The following CDH10 variants were observed in gnomAD, a reference collection of about 807,000 sequenced individuals.
CDH10 encodes cadherin 10, also known as cadherin-10.
Under a neutral mutation model 73.1 loss-of-function variants are expected in CDH10, and 30 were observed. The ratio of observed to expected loss-of-function variants is 0.41; its 90% confidence interval spans 0.31 to 0.56. The LOEUF (loss-of-function observed/expected upper bound fraction) is 0.56, where lower values mean the gene tolerates loss of function less well. CDH10 is among the 20% of genes least tolerant of loss of function. The probability of loss-of-function intolerance (pLI) is 0.27; values close to 1 mark genes in which losing one functional copy is unlikely to be tolerated. For missense variants in CDH10, 815 were observed against 973.7 expected, an observed-to-expected ratio of 0.84 and a Z score of 2.17; for synonymous variants, 345 against 348.2, an observed-to-expected ratio of 0.99 and a Z score of 0.10.
chr5:24,573,015 C>A (rs1326562019), intron 2 of CDH10, among the ~76,000 whole-genome samples: 1 of 146,204 alleles, frequency 6.8e-6, no homozygotes, highest in Non-Finnish European at 1.5e-5. Context: ...ATAAAGATCA[C>A]CAGAAAATAA....
intron 1 of CDH10, among the ~76,000 whole-genome samples, chr5:24,594,405 C>T (rs1746303390): frequency 6.6e-6 from 1 of 151,552 alleles, no homozygotes; most frequent in Non-Finnish European, 1.5e-5. Context: ...CCTTAGAAAT[C>T]CATTAAAATT....
At chr5:24,561,146 T>C (rs1273217391) in intron 2 of CDH10, among the ~76,000 whole-genome samples, 1 of 152,112 alleles carries the variant, frequency 6.6e-6, no homozygotes, top group Non-Finnish European at 1.5e-5. Context: ...TTATTTTATG[T>C]TTAGAAGTAC....
intron 6 of CDH10, 116 bp from the exon 7 acceptor site, chr5:24,509,935 T>G: frequency 1.5e-6 from 1 of 673,870 alleles, no homozygotes; most frequent in East Asian, 2.8e-5. Flanking sequence ...GTTCATTAAT[T>G]ATAAATAAAA....
chr5:24,582,353 C>G (rs547034809), intron 2 of CDH10, among the ~76,000 whole-genome samples: 5 of 152,246 alleles, frequency 3.3e-5, no homozygotes, highest in Admixed American at 1.3e-4. Flanking sequence ...TATGATTATG[C>G]TTAAATTTCA....
intron 2 of CDH10, among the ~76,000 whole-genome samples, chr5:24,560,116 CA>C (rs1744902890): frequency 6.6e-6 from 1 of 152,062 alleles, no homozygotes; most frequent in Non-Finnish European, 1.5e-5. Flanking sequence ...CCCAGATGCT[CA>C]ACTTAAAGTG....
chr5:24,510,956 T>C (rs1025605552), intron 6 of CDH10, among the ~76,000 whole-genome samples: 1 of 152,240 alleles, frequency 6.6e-6, no homozygotes, highest in African/African-American at 2.4e-5. Context: ...ATAGATGGCA[T>C]TGGACTTTTT....
chr5:24,580,409 A>G (rs1158524662), intron 2 of CDH10, among the ~76,000 whole-genome samples: 1 of 152,178 alleles, frequency 6.6e-6, no homozygotes, highest in African/African-American at 2.4e-5. Context: ...CTCTTAAATA[A>G]TTTGTGTGAG....
chr5:24,515,477 C>T (rs1743073968), intron 5 of CDH10, among the ~76,000 whole-genome samples: 1 of 152,266 alleles, frequency 6.6e-6, no homozygotes, highest in African/African-American at 2.4e-5. Flanking sequence ...GGCTGTACCA[C>T]ATGGAAATGT....
At chr5:24,639,431 G>A (rs16893683) in intron 1 of CDH10, among the ~76,000 whole-genome samples, 7,019 of 151,674 alleles carry the variant, frequency 0.046, 225 homozygotes, top group South Asian at 0.15. Context: ...TTCAGATAAT[G>A]ATATTGAATT....
At chr5:24,620,987 C>T (rs1747298017) in intron 1 of CDH10, among the ~76,000 whole-genome samples, 1 of 152,164 alleles carries the variant, frequency 6.6e-6, no homozygotes, top group East Asian at 1.9e-4. Context: ...ACACTTGGAC[C>T]TATCAGCATT....
chr5:24,579,237 A>T (rs764620454), intron 2 of CDH10, among the ~76,000 whole-genome samples: 35 of 152,020 alleles, frequency 2.3e-4, no homozygotes, highest in Admixed American at 9.2e-4. Context: ...AAAATGGTAA[A>T]CATTTTCTCT....
At chr5:24,587,614 A>C (rs188818381) in intron 2 of CDH10, among the ~76,000 whole-genome samples, 2 of 152,254 alleles carry the variant, frequency 1.3e-5, no homozygotes, top group East Asian at 3.9e-4. Flanking sequence ...TCATTTACCA[A>C]GATTTCTCTT....
chr5:24,606,273 T>C (rs2112131593), intron 1 of CDH10, among the ~76,000 whole-genome samples: 1 of 152,182 alleles, frequency 6.6e-6, no homozygotes, highest in Middle Eastern at 3.4e-3. Flanking sequence ...ATCAGGGAAA[T>C]ACAAATCAAA....
chr5:24,567,952 A>G (rs939208192), intron 2 of CDH10, among the ~76,000 whole-genome samples: 1 of 152,038 alleles, frequency 6.6e-6, no homozygotes, highest in African/African-American at 2.4e-5. Context: ...TGATGTCTCA[A>G]ATTTAGTCTC....
chr5:24,608,756 T>C (rs904194627), intron 1 of CDH10, among the ~76,000 whole-genome samples: 5 of 152,242 alleles, frequency 3.3e-5, no homozygotes, highest in African/African-American at 4.8e-5. Context: ...AACCAGATAC[T>C]TTGCTATATA....
intron 9 of CDH10, among the ~76,000 whole-genome samples, chr5:24,494,615 C>T (rs1025980362): frequency 6.6e-6 from 1 of 151,752 alleles, no homozygotes; most frequent in Non-Finnish European, 1.5e-5. Context: ...AATAAATTTA[C>T]AAAGTATAAT....
At chr5:24,593,854 G>A (rs757894288) in intron 1 of CDH10, among the ~76,000 whole-genome samples, 6 of 151,552 alleles carry the variant, frequency 4.0e-5, no homozygotes, top group Non-Finnish European at 7.4e-5. Context: ...ACATTATTAG[G>A]CTTTTTTTTC....
At chr5:24,565,266 A>G (rs1745127202) in intron 2 of CDH10, among the ~76,000 whole-genome samples, 2 of 152,212 alleles carry the variant, frequency 1.3e-5, no homozygotes, top group African/African-American at 4.8e-5. Flanking sequence ...AGAAATCTAT[A>G]TTTTAAAAAA....
chr5:24,574,903 AC>A (rs1001144351), intron 2 of CDH10, among the ~76,000 whole-genome samples: 3 of 151,952 alleles, frequency 2.0e-5, no homozygotes, highest in Admixed American at 2.0e-4. Context: ...ATAAATTCAA[AC>A]CTAACCCATG....
Sources: allele counts gnomAD v4.1 joint callset (sites outside exome capture counted in the v4.1 genomes callset), GRCh38; gene constraint gnomAD v4.1.1; transcripts MANE v1.5; gene names NCBI Gene and HGNC (gene_info 2026-07-23, HGNC 2026-07-21).